The following KIF16B variants were observed in gnomAD, a reference collection of about 807,000 sequenced individuals.
KIF16B encodes the protein kinesin-like protein KIF16B.
KIF16B carries 98 observed loss-of-function variants against 156.3 expected under a neutral mutation model. The observed-to-expected ratio is 0.63, with a 90% confidence interval of 0.53 to 0.74. The LOEUF (loss-of-function observed/expected upper bound fraction) is 0.74. Ranked by LOEUF, KIF16B falls within the 30% of genes least tolerant of loss-of-function variation. The pLI, the probability that KIF16B is intolerant of heterozygous loss-of-function variation, is 0.00. For synonymous variants in KIF16B, 564 were observed against 583.7 expected (o/e 0.97, Z 0.49); for missense variants, 1,421 against 1,606.5 (o/e 0.88, Z 1.97).
rs2065300116 is a variant in KIF16B, at chr20:16,389,089, A to G, written c.1785-7342T>C. Among the ~76,000 whole-genome samples the G allele has an allele frequency of 2.0e-5, 3 of 152,098 alleles. No individual in the cohort carries two copies. In the South Asian group the frequency reaches 6.2e-4, roughly 32 times the overall value. On this transcript the variant is annotated intron_variant, in intron 17 of 25. Transcript: ENST00000354981. ...TATTGGTAAAGTTCCTGGCATGGAT[A>G]TTACTCTATTATCTCAGTGGGCACA...
chr20:16,387,253 C>T (rs1358857340), intron 17 of KIF16B, among the ~76,000 whole-genome samples: 6 of 152,040 alleles, frequency 3.9e-5, no homozygotes, highest in Non-Finnish European at 5.9e-5. Flanking sequence ...AAAGGGCTGG[C>T]TGGGCATCAT....
chr20:16,444,974 C>A (rs539355142), intron 12 of KIF16B, among the ~76,000 whole-genome samples: 1 of 152,130 alleles, frequency 6.6e-6, no homozygotes, highest in East Asian at 1.9e-4. Flanking sequence ...CTGTTTCCAG[C>A]GTCTCAGCAT....
chr20:16,476,964 G>C (rs1186620091), intron 12 of KIF16B, among the ~76,000 whole-genome samples: 2 of 151,848 alleles, frequency 1.3e-5, no homozygotes, highest in Non-Finnish European at 1.5e-5. Context: ...GGCTAGGATG[G>C]TCTCGATCTC....
chr20:16,473,528 G>A lies in KIF16B; in HGVS notation c.1302+20763C>T, dbSNP rs139858605. ...TAGTACCCCATGGAAGAGATCGCAGGGACTAGAGTAGACACTTTGAGAAAT... is the reference window on the plus strand; with the variant it reads ...TAGTACCCCATGGAAGAGATCGCAGAGACTAGAGTAGACACTTTGAGAAAT... On this transcript the variant is annotated intron_variant, in intron 12 of 25. Transcript: ENST00000354981. Among the ~76,000 whole-genome samples the A allele has an allele frequency of 2.7e-3, 410 of 152,234 alleles. 1 individual carries two copies. Among genetic ancestry groups the A allele is most frequent in the African/African-American group, 9.4e-3 (392 of 41,536 alleles).
At chr20:16,529,412 A>G (rs1425603446) in intron 1 of KIF16B, among the ~76,000 whole-genome samples, 1 of 152,158 alleles carries the variant, frequency 6.6e-6, no homozygotes, top group Non-Finnish European at 1.5e-5. Flanking sequence ...TTCAATTACG[A>G]CTCTATAGAG....
chr20:16,310,344 C>A (rs188083082), intron 25 of KIF16B, among the ~76,000 whole-genome samples: 4 of 152,312 alleles, frequency 2.6e-5, no homozygotes, highest in African/African-American at 7.2e-5. Flanking sequence ...AAAGGACAAA[C>A]ACAGGTTCCA....
At chr20:16,385,853 T>C (rs1444050982) in intron 17 of KIF16B, among the ~76,000 whole-genome samples, 4 of 152,200 alleles carry the variant, frequency 2.6e-5, no homozygotes, top group African/African-American at 9.7e-5. Context: ...ACAATGACCC[T>C]GTGAGGTCAC....
intron 1 of KIF16B, among the ~76,000 whole-genome samples, chr20:16,567,285 T>G (rs750197250): frequency 1.1e-4 from 17 of 152,170 alleles, no homozygotes; most frequent in Non-Finnish European, 2.1e-4. Context: ...GCCAAGCACC[T>G]AACAGAAATT....
chr20:16,477,202 T>TTA (rs67735700), intron 12 of KIF16B, among the ~76,000 whole-genome samples: 1 of 139,324 alleles, frequency 7.2e-6, no homozygotes, highest in African/African-American at 2.7e-5. Context: ...TTTTTTTTTC[T>TTA]CTCCTTAAAA....
intron 1 of KIF16B, among the ~76,000 whole-genome samples, chr20:16,531,407 C>T (rs549815370): frequency 1.3e-5 from 2 of 152,340 alleles, no homozygotes; most frequent in African/African-American, 4.8e-5. Context: ...AATATCATTT[C>T]GTCACCCCTG....
chr20:16,571,391 G>C (rs1339833523), intron 1 of KIF16B, among the ~76,000 whole-genome samples: 1 of 152,094 alleles, frequency 6.6e-6, no homozygotes, highest in Non-Finnish European at 1.5e-5. Context: ...ACGCGAATCT[G>C]CCTCCCCAAA....
Position 16,348,871 on chromosome 20 carries a change from C to T in KIF16B, c.3621+7459G>A, listed in dbSNP as rs545414939. On this transcript the variant is annotated intron_variant, in intron 23 of 25. Transcript: ENST00000354981. Reference sequence around the variant, plus strand: ...TTTTAAAAAACCAAACATGATGGAACAGATGAGAATGTTACTTAGGGACGG... The same window carrying T: ...TTTTAAAAAACCAAACATGATGGAATAGATGAGAATGTTACTTAGGGACGG... 1.1e-4 allele frequency among the ~76,000 whole-genome samples: 16 copies of T among 152,238 alleles called. No individual in the cohort carries two copies. In the South Asian group the frequency reaches 2.5e-3, roughly 24 times the overall value.
At chr20:16,331,712 C>T (rs1460730943) in intron 24 of KIF16B, among the ~76,000 whole-genome samples, 1 of 152,120 alleles carries the variant, frequency 6.6e-6, no homozygotes, top group Non-Finnish European at 1.5e-5. Context: ...AAAATAGTCA[C>T]CCATGAGAGG....
chr20:16,400,540 C>A (rs1351998182), intron 17 of KIF16B, among the ~76,000 whole-genome samples: 1 of 152,182 alleles, frequency 6.6e-6, no homozygotes, highest in Admixed American at 6.5e-5. Context: ...AACAAGGACT[C>A]AAACAAACAA....
chr20:16,498,292 A>G (rs1005009086), intron 10 of KIF16B, among the ~76,000 whole-genome samples: 1 of 152,070 alleles, frequency 6.6e-6, no homozygotes, highest in Non-Finnish European at 1.5e-5. Flanking sequence ...CTTAAACTGC[A>G]CTCTTAACAT....
rs1211157751 is a variant in KIF16B, at chr20:16,335,991, T to C, written c.3646A>G (p.Thr1216Ala). ...VKITVLDETW[T>A]VFRRYSRFRE... ...AAACGACTGTAACGCCTGAATACAGTCCATGTCTCATCTAGGACAGTAATC... is the reference window on the plus strand; with the variant it reads ...AAACGACTGTAACGCCTGAATACAGCCCATGTCTCATCTAGGACAGTAATC... The change falls in exon 24 of 26, where the codon ACT becomes GCT. Residue 1216 changes from threonine (T) to alanine (A), a missense_variant. Transcript: ENST00000354981. The C allele has an allele frequency of 6.2e-7, 1 of 1,608,786 alleles. No homozygotes were observed.
intron 17 of KIF16B, among the ~76,000 whole-genome samples, chr20:16,403,605 G>A (rs1038329826): frequency 3.3e-5 from 5 of 152,170 alleles, no homozygotes; most frequent in African/African-American, 7.2e-5. Flanking sequence ...GGGTGGGGGC[G>A]CCCAGGAGTC....
At chr20:16,573,196 A>G in intron 1 of KIF16B, 33 bp downstream of exon 1, 1 of 1,538,388 alleles carries the variant, frequency 6.5e-7, no homozygotes, top group Non-Finnish European at 8.8e-7. Flanking sequence ...TGGGGGCGCG[A>G]CGAGGGGGCG....
chr20:16,515,673 C>A lies in KIF16B; in HGVS notation c.232-9G>T. On this transcript the variant is annotated splice_polypyrimidine_tract_variant and intron_variant, in intron 3 of 25. Coordinates refer to ENST00000354981, the MANE Select transcript of KIF16B (RefSeq NM_024704.5). The stretch of plus-strand genomic sequence containing the variant: ...CCGAGGGTTTTGAAAACCTGAAAGC[C>A]AAAAAGAACACACAAAAGATACAAT... The A allele has an allele frequency of 1.4e-6, 2 of 1,428,866 alleles. No homozygotes were observed. The highest frequency in any genetic ancestry group is 1.7e-5 in the Admixed American group (1 of 58,908). The allele number at this position is 1,428,866 out of a possible 1,614,324, so 88.5% of individuals were successfully genotyped here.
Sources: gnomAD v4.1 joint callset for allele counts (sites outside exome capture counted in the v4.1 genomes callset) on GRCh38, gnomAD v4.1.1 for gene constraint, MANE v1.5 for transcripts, NCBI Gene and HGNC (gene_info 2026-07-23, HGNC 2026-07-21) for gene names.